Variants in CDH12 observed in about 807,000 individuals in gnomAD.
The protein encoded by CDH12 is cadherin-12.
In CDH12, 41 loss-of-function variants were observed where a neutral mutation model predicts 74.1. The ratio of observed to expected loss-of-function variants is 0.55; its 90% confidence interval spans 0.43 to 0.72. The LOEUF is 0.72. CDH12 is among the 30% of genes least tolerant of loss of function. CDH12 has a pLI of 0.00. For synonymous variants in CDH12, 399 were observed against 355.0 expected (o/e 1.12, Z -1.39); for missense variants, 945 against 977.2 (o/e 0.97, Z 0.44).
intron 1 of CDH12, among the ~76,000 whole-genome samples, chr5:22,516,954 C>T (rs997812077): frequency 1.7e-4 from 26 of 151,834 alleles, no homozygotes; most frequent in South Asian, 2.1e-4. Flanking sequence ...AGTTTAGATG[C>T]GAAAAACAAT....
chr5:22,542,854 C>A (rs1304149540), intron 1 of CDH12, among the ~76,000 whole-genome samples: 3 of 152,098 alleles, frequency 2.0e-5, no homozygotes, highest in Non-Finnish European at 4.4e-5. Flanking sequence ...TTTATGTTCA[C>A]TGGCATTGAT....
chr5:22,225,083 C>T (rs1287754483), intron 3 of CDH12, among the ~76,000 whole-genome samples: 1 of 151,894 alleles, frequency 6.6e-6, no homozygotes, highest in Non-Finnish European at 1.5e-5. Flanking sequence ...TATCTCATAG[C>T]TTTTCCAAAA....
intron 5 of CDH12, among the ~76,000 whole-genome samples, chr5:21,977,057 C>T (rs1757100260): frequency 6.6e-6 from 1 of 151,820 alleles, no homozygotes; most frequent in Non-Finnish European, 1.5e-5. Context: ...CATTTTGTGA[C>T]CCTGCATTTC....
At chr5:22,231,988 T>A (rs1434414985) in intron 3 of CDH12, among the ~76,000 whole-genome samples, 2 of 151,894 alleles carry the variant, frequency 1.3e-5, no homozygotes, top group Non-Finnish European at 3.0e-5. Context: ...CGAAGATATT[T>A]TATACATTGC....
chr5:22,181,337 A>G (rs1021599850), intron 4 of CDH12, among the ~76,000 whole-genome samples: 3 of 152,046 alleles, frequency 2.0e-5, no homozygotes, highest in Non-Finnish European at 4.4e-5. Flanking sequence ...CCTCTCCTTT[A>G]TCACATAGAA....
chr5:22,276,670 C>T (rs1736648170), intron 3 of CDH12, among the ~76,000 whole-genome samples: 1 of 152,026 alleles, frequency 6.6e-6, no homozygotes, highest in South Asian at 2.1e-4. Flanking sequence ...ATTTTAAGCA[C>T]TATTTTATTT....
At chr5:22,424,012 AAAAAAAAAAAAAAAAGAAAAGAAAAG>A (rs1245529805) in intron 2 of CDH12, among the ~76,000 whole-genome samples, 1 of 149,368 alleles carries the variant, frequency 6.7e-6, no homozygotes, top group African/African-American at 2.5e-5. Flanking sequence ...CAAAAAAAAA[AAAAAAAAAAAAAAAAGAAAAGAAAAG>A]AAAAAGAAAG....
chr5:22,782,175 G>A (rs1747416644), intron 1 of CDH12, among the ~76,000 whole-genome samples: 1 of 152,140 alleles, frequency 6.6e-6, no homozygotes, highest in South Asian at 2.1e-4. Context: ...TAAGACCTTG[G>A]GGGACTGTTG....
intron 4 of CDH12, among the ~76,000 whole-genome samples, chr5:22,189,445 G>A (rs1750138924): frequency 1.3e-5 from 2 of 151,986 alleles, no homozygotes; most frequent in East Asian, 3.9e-4. Context: ...ATCAATAATA[G>A]CATATAAATA....
In CDH12 at chr5:21,834,872, T is replaced by A. The variant is rs539714805; in HGVS notation, c.814+7289A>T. Among the ~76,000 whole-genome samples, 126 of 152,062 alleles carry A rather than the reference T, an allele frequency of 8.3e-4. 1 individual carries two copies. The highest frequency in any genetic ancestry group is 3.0e-3 in the African/African-American group (123 of 41,482). ...GAAGTAGTTATCCTCATTTAATAGTTGTAGATTTCACATAAGAGCCATTAT... is the reference window on the plus strand; with the variant it reads ...GAAGTAGTTATCCTCATTTAATAGTAGTAGATTTCACATAAGAGCCATTAT... On this transcript the variant is annotated intron_variant, in intron 8 of 14. Transcript: ENST00000382254.
At chr5:22,471,916 G>A (rs1316046266) in intron 2 of CDH12, among the ~76,000 whole-genome samples, 2 of 152,146 alleles carry the variant, frequency 1.3e-5, no homozygotes, top group African/African-American at 2.4e-5. Context: ...CTTTATTCAA[G>A]AGAAGTGAGA....
chr5:22,107,161 T>A (rs1744495760), intron 4 of CDH12, among the ~76,000 whole-genome samples: 1 of 151,806 alleles, frequency 6.6e-6, no homozygotes, highest in East Asian at 1.9e-4. Flanking sequence ...AGATGGATTT[T>A]TGCTCTTGTT....
intron 3 of CDH12, among the ~76,000 whole-genome samples, chr5:22,231,927 CAG>C (rs1296305144): frequency 6.6e-6 from 1 of 151,796 alleles, no homozygotes; most frequent in Non-Finnish European, 1.5e-5. Context: ...CATGAAGAAA[CAG>C]ACACATTTCT....
intron 3 of CDH12, among the ~76,000 whole-genome samples, chr5:22,320,824 CTG>C (rs1738843546): frequency 6.6e-6 from 1 of 152,188 alleles, no homozygotes; most frequent in African/African-American, 2.4e-5. Context: ...ACTATCTTCA[CTG>C]TGAGCTCCAG....
chr5:22,132,221 A>G (rs2150288276), intron 4 of CDH12, among the ~76,000 whole-genome samples: 1 of 152,018 alleles, frequency 6.6e-6, no homozygotes, highest in Non-Finnish European at 1.5e-5. Flanking sequence ...CACCTGCTTG[A>G]GGGATGTACC....
At chr5:22,838,348 C>T (rs181412268) in intron 1 of CDH12, among the ~76,000 whole-genome samples, 1 of 152,132 alleles carries the variant, frequency 6.6e-6, no homozygotes, top group Non-Finnish European at 1.5e-5. Context: ...GGTTCACCTG[C>T]ACCCGTGCTT....
Position 21,751,622 on chromosome 5 carries a change from G to GTT in CDH12, c.*114_*115insAA, listed in dbSNP as rs769219785. ...ATCTTGTCCCAGAGTGTGTGTGTGT[G>GTT]TGTGTGTGTTTGTGTGTGTGTGTGT... On this transcript the variant is annotated 3_prime_UTR_variant, in exon 15 of 15. Transcript: ENST00000382254. 1.9e-5 allele frequency: 11 copies of GTT among 581,090 alleles called. No homozygotes were observed. The highest frequency in any genetic ancestry group is 3.0e-5 in the Non-Finnish European group (10 of 335,516). 36.0% of individuals were successfully genotyped at this position (581,090 alleles called of 1,614,324 possible).
chr5:22,230,315 CATA>C (rs1452689336), intron 3 of CDH12, among the ~76,000 whole-genome samples: 2 of 152,024 alleles, frequency 1.3e-5, no homozygotes, highest in African/African-American at 4.8e-5. Flanking sequence ...CCACACAATA[CATA>C]ATATCATTAT....
intron 1 of CDH12, among the ~76,000 whole-genome samples, chr5:22,527,463 A>T (rs1425853289): frequency 6.6e-6 from 1 of 152,176 alleles, no homozygotes; most frequent in African/African-American, 2.4e-5. Context: ...GAACACACTG[A>T]TGACCTAACC....
Sources: allele counts gnomAD v4.1 joint callset (sites outside exome capture counted in the v4.1 genomes callset), GRCh38; gene constraint gnomAD v4.1.1; transcripts MANE v1.5; gene names NCBI Gene and HGNC (gene_info 2026-07-23, HGNC 2026-07-21).